FRMD4A: variants seen among roughly 807,000 people sequenced by gnomAD.
FRMD4A encodes the protein FERM domain-containing protein 4A.
In FRMD4A, 29 loss-of-function variants were observed where a neutral mutation model predicts 129.1. The ratio of observed to expected loss-of-function variants is 0.22; its 90% CI spans 0.17 to 0.31. FRMD4A has a LOEUF of 0.31. Among genes scored for constraint, FRMD4A ranks in the 10% least tolerant of loss-of-function variants. The pLI, the probability that FRMD4A is intolerant of heterozygous loss-of-function variation, is 1.00. For synonymous variants in FRMD4A, 634 were observed against 571.6 expected (o/e 1.11, Z -1.56); for missense variants, 1,272 against 1,375.8 (o/e 0.92, Z 1.19).
Position 13,654,138 on chromosome 10 carries a change from A to G in FRMD4A, c.3050+278T>C, listed in dbSNP as rs190347484. On this transcript the variant is annotated intron_variant, in intron 23 of 24. Transcript: ENST00000357447. ...GAAATGCTGTCTGGAAATCTTACCA[A>G]AGAAGCACAGTCCCACTTCGTGCTT... 3.0e-5 allele frequency: 16 copies of G among 536,074 alleles called. No homozygotes were observed. The East Asian group carries it at 4.4e-4, about 15-fold the overall frequency. The allele number at this position is 536,074 out of a possible 1,614,324, so 33.2% of individuals were successfully genotyped here.
chr10:14,152,114 GTGCTTTTTTT>G lies in FRMD4A; in HGVS notation c.45+177934_45+177943del, dbSNP rs1408234204. Among the ~76,000 whole-genome samples the G allele has an allele frequency of 8.9e-3, 1,114 of 124,598 alleles. 13 individuals carry two copies. Among genetic ancestry groups the G allele is most frequent in the African/African-American group, 0.032 (1,048 of 33,054 alleles). The allele number at this position is 124,598 out of a possible 152,430, so 81.7% of individuals were successfully genotyped here. On this transcript the variant is annotated intron_variant, in intron 2 of 24. Coordinates refer to ENST00000357447, the MANE Select transcript of FRMD4A (RefSeq NM_018027.5). ...AGCCAAAGCAGGATATGTTTGTGTA[GTGCTTTTTTT>G]TTTTTTTTTTTTTTTTTTTTTGAGA... is the stretch of plus-strand genomic sequence containing the variant.
intron 2 of FRMD4A, among the ~76,000 whole-genome samples, chr10:13,864,559 C>T (rs2094339535): frequency 6.7e-6 from 1 of 150,044 alleles, no homozygotes; most frequent in Non-Finnish European, 1.5e-5. Flanking sequence ...AAAATAATTT[C>T]TTCTTCCTTC....
intron 2 of FRMD4A, among the ~76,000 whole-genome samples, chr10:14,127,972 TTCTTTCCTTCTCTCTCTCTCTC>T (rs1838969438): frequency 7.4e-5 from 2 of 26,928 alleles, no homozygotes; most frequent in African/African-American, 2.8e-4. Flanking sequence ...CTTTCTTTCT[TTCTTTCCTTCTCTCTCTCTCTC>T]TCTCTCTTTC....
chr10:13,758,302 T>C (rs2091940079), intron 8 of FRMD4A, among the ~76,000 whole-genome samples: 2 of 152,220 alleles, frequency 1.3e-5, no homozygotes, highest in Non-Finnish European at 2.9e-5. Flanking sequence ...ATCCTCTGGA[T>C]TTTAGAAGAT....
At chr10:14,228,104 C>T (rs1475114652) in intron 2 of FRMD4A, among the ~76,000 whole-genome samples, 3 of 152,092 alleles carry the variant, frequency 2.0e-5, no homozygotes, top group Non-Finnish European at 4.4e-5. Context: ...GATCTCTTGA[C>T]CTCATGACCC....
At chr10:13,843,457 T>C (rs572901422) in intron 3 of FRMD4A, among the ~76,000 whole-genome samples, 1 of 152,176 alleles carries the variant, frequency 6.6e-6, no homozygotes, top group African/African-American at 2.4e-5. Context: ...GGGGAATAAT[T>C]TCCTCTATGA....
Position 14,010,440 on chromosome 10 carries a change from C to T in FRMD4A, c.46-151528G>A, listed in dbSNP as rs116856886. Among the ~76,000 whole-genome samples the T allele has an allele frequency of 0.01, 1,569 of 152,212 alleles. 78 individuals carry two copies. In the East Asian group the frequency reaches 0.16, roughly 16 times the overall value. On this transcript the variant is annotated intron_variant, in intron 2 of 24. Coordinates refer to ENST00000357447, the MANE Select transcript of FRMD4A (RefSeq NM_018027.5). Reference sequence around the variant, plus strand: ...CCCACACATCTGAGTCTCACACATTCCACATCCTTCCCTTGGGAGGCGGGG... The same window carrying T: ...CCCACACATCTGAGTCTCACACATTTCACATCCTTCCCTTGGGAGGCGGGG...
At chr10:13,986,767 G>A (rs868793761) in intron 2 of FRMD4A, among the ~76,000 whole-genome samples, 5 of 151,736 alleles carry the variant, frequency 3.3e-5, no homozygotes, top group Non-Finnish European at 5.9e-5. Context: ...GAGGGACTCA[G>A]TATTGTTATT....
chr10:14,231,537 G>A (rs1004187260), intron 2 of FRMD4A, among the ~76,000 whole-genome samples: 2 of 152,026 alleles, frequency 1.3e-5, no homozygotes, highest in Non-Finnish European at 2.9e-5. Flanking sequence ...TAGTAGAGAC[G>A]AGGTTTCACC....
At chr10:14,128,165 G>A (rs1351747295) in intron 2 of FRMD4A, among the ~76,000 whole-genome samples, 3 of 149,802 alleles carry the variant, frequency 2.0e-5, no homozygotes, top group Non-Finnish European at 4.4e-5. Context: ...GTGCAGTGGT[G>A]TAATCTCAGC....
intron 2 of FRMD4A, among the ~76,000 whole-genome samples, chr10:14,138,245 C>G (rs1015084549): frequency 2.0e-5 from 3 of 152,170 alleles, no homozygotes. Context: ...GTGACCAAGA[C>G]CTGCCTTTGC....
intron 2 of FRMD4A, among the ~76,000 whole-genome samples, chr10:14,218,998 T>C (rs1261129718): frequency 1.5e-5 from 2 of 131,622 alleles, no homozygotes; most frequent in Non-Finnish European, 1.5e-5. Context: ...AAAAAAAAGA[T>C]GTGTTTTAGC....
chr10:13,678,349 G>A (rs1360860496), intron 15 of FRMD4A, among the ~76,000 whole-genome samples: 1 of 152,194 alleles, frequency 6.6e-6, no homozygotes, highest in Non-Finnish European at 1.5e-5. Flanking sequence ...TCAAATCCCC[G>A]CAAAATCACT....
At chr10:14,161,812 T>C (rs1840900887) in intron 2 of FRMD4A, among the ~76,000 whole-genome samples, 1 of 152,198 alleles carries the variant, frequency 6.6e-6, no homozygotes, top group Non-Finnish European at 1.5e-5. Flanking sequence ...ATTTGAAATG[T>C]TCTCAACACA....
At chr10:13,694,385 C>G (rs1306943071) in intron 14 of FRMD4A, among the ~76,000 whole-genome samples, 1 of 152,176 alleles carries the variant, frequency 6.6e-6, no homozygotes, top group Admixed American at 6.5e-5. Context: ...AGATGCCACT[C>G]ACCACCCAGG....
intron 2 of FRMD4A, among the ~76,000 whole-genome samples, chr10:14,136,042 G>A (rs1045172356): frequency 2.6e-5 from 4 of 152,266 alleles, no homozygotes; most frequent in South Asian, 4.1e-4. Flanking sequence ...TAGCCAGGCC[G>A]TTTAAGGTTT....
At chr10:14,017,818 G>T (rs1337338069) in intron 2 of FRMD4A, among the ~76,000 whole-genome samples, 1 of 152,194 alleles carries the variant, frequency 6.6e-6, no homozygotes, top group African/African-American at 2.4e-5. Context: ...AGGAAGAAAA[G>T]AAAGCATCTT....
chr10:14,255,677 T>C (rs1215097193), intron 2 of FRMD4A, among the ~76,000 whole-genome samples: 4 of 151,850 alleles, frequency 2.6e-5, no homozygotes, highest in Admixed American at 2.6e-4. Context: ...AGAAAACAAG[T>C]CATTGAAAAG....
At chr10:14,039,407 C>CATCCATCCATCTATCTATCTATCTATCT (rs1285305420) in intron 2 of FRMD4A, among the ~76,000 whole-genome samples, 16 of 147,800 alleles carry the variant, frequency 1.1e-4, no homozygotes, top group African/African-American at 3.9e-4. Flanking sequence ...TCCATCCATC[C>CATCCATCCATCTATCTATCTATCTATCT]ATCTATCTAT....
Sources: allele counts gnomAD v4.1 joint callset (sites outside exome capture counted in the v4.1 genomes callset), GRCh38; gene constraint gnomAD v4.1.1; transcripts MANE v1.5; gene names NCBI Gene and HGNC (gene_info 2026-07-23, HGNC 2026-07-21).